The following MBTPS2 variants were observed in gnomAD, a reference collection of about 807,000 sequenced individuals.
MBTPS2 encodes the protein membrane-bound transcription factor site-2 protease.
MBTPS2 carries 2 observed loss-of-function variants against 35.4 expected under a neutral mutation model. The ratio of observed to expected loss-of-function variants is 0.06; its 90% CI spans 0.02 to 0.18. The LOEUF (loss-of-function observed/expected upper bound fraction) is 0.18, where lower values mean the gene tolerates loss of function less well. Among genes scored for constraint, MBTPS2 ranks in the 10% least tolerant of loss-of-function variants. MBTPS2 has a pLI of 1.00. For missense variants in MBTPS2, 244 were observed against 386.5 expected, an observed-to-expected ratio of 0.63 and a Z score of 3.09; for synonymous variants, 125 against 140.4, an observed-to-expected ratio of 0.89 and a Z score of 0.77.
intron 5 of MBTPS2, among the ~76,000 whole-genome samples, chrX:21,863,219 G>A (rs1483866698): frequency 2.2e-5 from 2 of 90,745 alleles, no homozygotes; most frequent in African/African-American, 8.3e-5. Flanking sequence ...AGTGAGCCGA[G>A]ATCACGCCGT....
intron 5 of MBTPS2, chrX:21,856,593 A>G: frequency 8.3e-7 from 1 of 1,211,818 alleles, no homozygotes; most frequent in Admixed American, 2.2e-5. Context: ...GGACATTCCG[A>G]CGGAAAGCGT....
chrX:21,842,583 A>G (rs1347462195), intron 1 of MBTPS2, among the ~76,000 whole-genome samples: 1 of 111,580 alleles, frequency 9.0e-6, no homozygotes, highest in Non-Finnish European at 1.9e-5. Flanking sequence ...AAATTCAACG[A>G]AGTAATGCCC....
intron 3 of MBTPS2, among the ~76,000 whole-genome samples, chrX:21,850,005 C>T (rs534194294): frequency 3.3e-5 from 3 of 90,449 alleles, no homozygotes; most frequent in African/African-American, 8.5e-5. Flanking sequence ...CCAGCCTGGG[C>T]GACAGAGCGA....
chrX:21,858,283 A>G (rs1243424711), intron 5 of MBTPS2: 1 of 123,305 alleles, frequency 8.1e-6, no homozygotes, highest in Admixed American at 9.4e-5. Context: ...TATTTTCCCC[A>G]AAATACTACC....
rs773100960 is a variant in MBTPS2 at position 21,845,165 on chromosome X, T to C, written c.225-6T>C. On this transcript the variant is annotated splice_region_variant and splice_polypyrimidine_tract_variant and intron_variant, in intron 2 of 10. Coordinates refer to ENST00000379484, the MANE Select transcript of MBTPS2 (RefSeq NM_015884.4). ...AAATTAACATGATTTTTTTCCCTTT[T>C]GACAGGTTCAATTTTGGAATGGTGT... 1.7e-6 allele frequency: 2 copies of C among 1,210,144 alleles called. No homozygotes were observed. Among genetic ancestry groups the C allele is most frequent in the East Asian group, 5.9e-5 (2 of 33,851 alleles).
Position 21,869,511 on chromosome X carries a change from T to G in MBTPS2, c.803T>G (p.Ile268Ser). 1 of 1,210,466 alleles carries G rather than the reference T, an allele frequency of 8.3e-7. No individual in the cohort carries two copies. The highest frequency in any genetic ancestry group is 1.1e-6 in the Non-Finnish European group (1 of 894,138). The stretch of plus-strand genomic sequence containing the variant: ...CCTCTTCCCAAGGACTCTCCTGCCA[T>G]TGGACCCAGAGGCCTTTTTGTGGGA... ...ITEVAEDSPA[I>S]GPRGLFVGDL... is the part of the protein sequence containing the mutation. The change falls in exon 7 of 11, where the codon ATT becomes AGT. Residue 268 changes from isoleucine to serine, a missense_variant. Transcript: ENST00000379484.
At chrX:21,875,399 C>T (rs2092951958) in intron 7 of MBTPS2, among the ~76,000 whole-genome samples, 1 of 111,864 alleles carries the variant, frequency 8.9e-6, no homozygotes, top group Non-Finnish European at 1.9e-5. Flanking sequence ...TTTCTAGTTC[C>T]TCACAGTTCC....
intron 9 of MBTPS2, among the ~76,000 whole-genome samples, chrX:21,879,122 C>T (rs1381356006): frequency 8.9e-6 from 1 of 111,759 alleles, no homozygotes; most frequent in Non-Finnish European, 1.9e-5. Context: ...AAAACTGGGC[C>T]AGCATAATCA....
rs779572550 is a variant in MBTPS2 at position 21,845,333 on chromosome X, TTCA to T, written c.390_392del (p.Ser136del). On this transcript the variant is annotated inframe_deletion, in exon 3 of 11. Transcript: ENST00000379484. ...CCTCCTCTTCTTCCTCTTCCTCTTC[TTCA>T]TCTTCTTCCTCTTCCTCGCTTCACA... 176 of 1,197,678 alleles carry T rather than the reference TTCA, an allele frequency of 1.5e-4. 1 individual carries two copies. The South Asian group carries it at 2.9e-3, about 20-fold the overall frequency.
At chrX:21,863,072 A>G (rs1180891332) in intron 5 of MBTPS2, among the ~76,000 whole-genome samples, 1 of 92,003 alleles carries the variant, frequency 1.1e-5, no homozygotes, top group African/African-American at 3.8e-5. Flanking sequence ...CCTGAGCAAA[A>G]TGGTGAAACC....
chrX:21,861,776 A>G (rs910953818), intron 5 of MBTPS2, among the ~76,000 whole-genome samples: 1 of 111,740 alleles, frequency 8.9e-6, no homozygotes, highest in Non-Finnish European at 1.9e-5. Flanking sequence ...TTTTTAAATG[A>G]TGTATCTGTA....
chrX:21,864,786 G>A (rs919384432), intron 5 of MBTPS2, among the ~76,000 whole-genome samples: 2 of 111,182 alleles, frequency 1.8e-5, no homozygotes, highest in African/African-American at 6.5e-5. Flanking sequence ...TTGTACCACT[G>A]CACTCCAGCT....
intron 7 of MBTPS2, 136 bp downstream of exon 7, chrX:21,869,814 C>A: frequency 2.0e-6 from 1 of 504,805 alleles, no homozygotes; most frequent in East Asian, 3.6e-5. Flanking sequence ...AGATTCCAAC[C>A]AATAGACATT....
intron 5 of MBTPS2, chrX:21,857,244 G>C: frequency 8.3e-7 from 1 of 1,211,819 alleles, no homozygotes; most frequent in Non-Finnish European, 1.1e-6. Flanking sequence ...TCCCAAAACA[G>C]TCCCTTGCTC....
intron 7 of MBTPS2, among the ~76,000 whole-genome samples, chrX:21,873,338 G>C (rs2092949331): frequency 1.8e-5 from 2 of 111,777 alleles, no homozygotes; most frequent in Non-Finnish European, 3.8e-5. Flanking sequence ...CTGCTTTTAG[G>C]GTTGCTGGCT....
rs2147427914 is a variant in MBTPS2 at position 21,843,157 on chromosome X, CTT to C, written c.76-11_76-10del. 1 of 1,200,154 alleles carries C rather than the reference CTT, an allele frequency of 8.3e-7. No individual in the cohort carries two copies. The highest frequency in any genetic ancestry group is 3.0e-5 in the East Asian group (1 of 33,810). Reference sequence around the variant, plus strand: ...CAAAATTGAGTGATGTAGAACTTTTCTTTCTCTCTTAGTCATCTGTCTATTTT... The same window carrying C: ...CAAAATTGAGTGATGTAGAACTTTTCTCTCTCTTAGTCATCTGTCTATTTT... On this transcript the variant is annotated splice_polypyrimidine_tract_variant and intron_variant, in intron 1 of 10. Transcript: ENST00000379484.
intron 5 of MBTPS2, chrX:21,856,899 A>C (rs1162936531): frequency 1.6e-5 from 19 of 1,210,004 alleles, no homozygotes; most frequent in Middle Eastern, 2.3e-4. Context: ...GAGCCGCAGC[A>C]AAAAGCCCAG....
Position 21,883,055 on chromosome X carries a change from CAGACTTTGGCCAAGTGGAAGG to C in MBTPS2, c.*402_*422del. On this transcript the variant is annotated 3_prime_UTR_variant, in exon 11 of 11. Transcript: ENST00000379484. ...TCATTAATCAAAATTTGAAGGAGAC[CAGACTTTGGCCAAGTGGAAGG>C]ATGACCATTGTCTTGGCCTGTATCT... The C allele has an allele frequency of 7.4e-6, 6 of 815,728 alleles. No homozygotes were observed. The South Asian group carries it at 3.0e-4, about 40-fold the overall frequency. 67.2% of individuals were successfully genotyped at this position (815,728 alleles called of 1,213,427 possible). A position where few individuals can be genotyped will look rare whatever the true frequency, so the allele number is the denominator to read the frequency against.
chrX:21,871,275 G>A (rs1020241513), intron 7 of MBTPS2: 3 of 112,231 alleles, frequency 2.7e-5, no homozygotes, highest in African/African-American at 9.7e-5. Flanking sequence ...TTCTTGGTAA[G>A]TTGGATGCTA....
Sources: gnomAD v4.1 joint callset for allele counts (sites outside exome capture counted in the v4.1 genomes callset) on GRCh38, gnomAD v4.1.1 for gene constraint, MANE v1.5 for transcripts, NCBI Gene and HGNC (gene_info 2026-07-23, HGNC 2026-07-21) for gene names.